SYNE1: variants seen among roughly 807,000 people sequenced by gnomAD.
SYNE1 encodes spectrin repeat containing nuclear envelope protein 1, also known as nesprin-1.
A neutral mutation model predicts 1,111.0 loss-of-function variants in SYNE1; 616 were observed. The ratio of observed to expected loss-of-function variants is 0.55; its 90% confidence interval spans 0.52 to 0.59. SYNE1 has a LOEUF of 0.59. SYNE1 is among the 20% of genes least tolerant of loss of function. SYNE1 has a pLI of 0.00. For synonymous variants in SYNE1, 3,855 were observed against 3,825.8 expected (o/e 1.01, Z -0.28); for missense variants, 10,006 against 10,417.0 (o/e 0.96, Z 1.72).
At chr6:152,482,929 A>C (rs1398945826) in intron 14 of SYNE1, among the ~76,000 whole-genome samples, 156 bp downstream of exon 14, 1 of 152,250 alleles carries the variant, frequency 6.6e-6, no homozygotes, top group African/African-American at 2.4e-5. Flanking sequence ...GTAAGAAAGA[A>C]ACAATCAAAT....
intron 140 of SYNE1, among the ~76,000 whole-genome samples, chr6:152,137,983 C>G (rs1205905034): frequency 3.9e-5 from 6 of 152,150 alleles, no homozygotes; most frequent in African/African-American, 1.4e-4. Context: ...CCCTGGCCAG[C>G]ATTTGCTTCA....
chr6:152,139,577 A>G, intron 140 of SYNE1, among the ~76,000 whole-genome samples: 1 of 149,618 alleles, frequency 6.7e-6, no homozygotes. Flanking sequence ...TCAAAAAAAA[A>G]AAAAAGAAAG....
chr6:152,366,584 T>C (rs1457980632), intron 62 of SYNE1, among the ~76,000 whole-genome samples: 2 of 152,134 alleles, frequency 1.3e-5, no homozygotes, highest in Non-Finnish European at 2.9e-5. Flanking sequence ...TTCAACCCCA[T>C]CCCTTCTGCA....
At chr6:152,241,747 A>C (rs1010934662) in intron 107 of SYNE1, among the ~76,000 whole-genome samples, 1 of 152,186 alleles carries the variant, frequency 6.6e-6, no homozygotes, top group Admixed American at 6.5e-5. Context: ...CCAACCCTGG[A>C]TCTGAGTAGT....
At chr6:152,506,646 A>G (rs1223821785) in intron 8 of SYNE1, among the ~76,000 whole-genome samples, 1 of 151,952 alleles carries the variant, frequency 6.6e-6, no homozygotes, top group Non-Finnish European at 1.5e-5. Flanking sequence ...GGCTCAAGGG[A>G]TTCTTGCACC....
At chr6:152,622,746 T>C (rs1172820470) in intron 3 of SYNE1, among the ~76,000 whole-genome samples, 1 of 152,196 alleles carries the variant, frequency 6.6e-6, no homozygotes, top group Non-Finnish European at 1.5e-5. Context: ...TGTTTCTTTA[T>C]AATAGAATGA....
chr6:152,249,112 A>G (rs759573575), intron 105 of SYNE1, 49 bp downstream of exon 105: 3 of 1,195,354 alleles, frequency 2.5e-6, no homozygotes, highest in South Asian at 2.4e-5. Context: ...ATAGTAAGTC[A>G]TATCTCCTCT....
chr6:152,468,177 T>C (rs1358283541), intron 16 of SYNE1, among the ~76,000 whole-genome samples: 17 of 152,166 alleles, frequency 1.1e-4, no homozygotes, highest in Admixed American at 1.1e-3. Flanking sequence ...TGAGTGTAAA[T>C]ATAATAAATA....
chr6:152,260,693 G>A (rs1273688920), intron 101 of SYNE1, among the ~76,000 whole-genome samples: 1 of 151,896 alleles, frequency 6.6e-6, no homozygotes, highest in African/African-American at 2.4e-5. Flanking sequence ...GGCACCAGGG[G>A]TTGGTTTCTC....
chr6:152,339,428 T>C, intron 74 of SYNE1, 62 bp from the exon 75 acceptor site: 2 of 1,598,596 alleles, frequency 1.3e-6, no homozygotes, highest in Non-Finnish European at 1.7e-6. Context: ...CAAATACTTG[T>C]ATCATTTGGA....
chr6:152,141,494 G>C (rs190709528), intron 138 of SYNE1, among the ~76,000 whole-genome samples, 165 bp from the exon 139 acceptor site: 7 of 152,166 alleles, frequency 4.6e-5, no homozygotes, highest in Admixed American at 4.6e-4. Context: ...TGGTGTCTCA[G>C]GCCTGTGATC....
intron 16 of SYNE1, among the ~76,000 whole-genome samples, chr6:152,469,823 A>G (rs929325572): frequency 6.6e-5 from 10 of 152,186 alleles, no homozygotes; most frequent in Admixed American, 2.0e-4. Context: ...ATGGAACCTC[A>G]GTGCTCCTGC....
intron 11 of SYNE1, among the ~76,000 whole-genome samples, chr6:152,490,770 G>A (rs2098966064): frequency 6.6e-6 from 1 of 152,226 alleles, no homozygotes; most frequent in African/African-American, 2.4e-5. Flanking sequence ...CTGGGACAGG[G>A]GGATTCCTTC....
intron 5 of SYNE1, among the ~76,000 whole-genome samples, chr6:152,520,883 C>T (rs2623981): frequency 0.77 from 117,686 of 152,124 alleles, 46,609 homozygotes; most frequent in East Asian, 0.96. Flanking sequence ...ATTTATTTAG[C>T]TTATTAGTTA....
At chr6:152,575,947 C>T (rs2099494846) in intron 3 of SYNE1, among the ~76,000 whole-genome samples, 1 of 152,212 alleles carries the variant, frequency 6.6e-6, no homozygotes, top group African/African-American at 2.4e-5. Flanking sequence ...ATTCTTGCAG[C>T]ATTATTAGTA....
chr6:152,253,438 G>A (rs2089882522), intron 104 of SYNE1, among the ~76,000 whole-genome samples: 1 of 152,084 alleles, frequency 6.6e-6, no homozygotes, highest in South Asian at 2.1e-4. Context: ...CACAGTCTAT[G>A]AGGCAGTTAA....
chr6:152,458,991 A>C, intron 21 of SYNE1, 61 bp from the exon 22 acceptor site: 1 of 1,444,386 alleles, frequency 6.9e-7, no homozygotes, highest in Non-Finnish European at 9.7e-7. Flanking sequence ...AGCTCAGGGA[A>C]CGTTCATAGC....
chr6:152,145,547 T>A, intron 137 of SYNE1: 5 of 1,614,008 alleles, frequency 3.1e-6, no homozygotes, highest in Non-Finnish European at 4.2e-6. Flanking sequence ...CTTTCGGGGA[T>A]CATTACATCT....
rs887057932 is a variant in SYNE1 at position 152,141,285 on chromosome 6, C to T, written c.25164G>A (p.Lys8388=). Residue 8388 remains lysine, a synonymous_variant, in exon 139 of 146, where the codon AAG becomes AAA. Coordinates refer to ENST00000367255, the MANE Select transcript of SYNE1 (RefSeq NM_182961.4). Reference sequence around the variant, plus strand: ...CCTCCTTCAGTTTGTGCTCCAGTCTCTTCACGGAGTCTATACTGCTACTGC... The same window carrying T: ...CCTCCTTCAGTTTGTGCTCCAGTCTTTTCACGGAGTCTATACTGCTACTGC... ...GECSSSIDSV[K]RLEHKLKEEE... The T allele has an allele frequency of 1.2e-6, 2 of 1,614,208 alleles. No individual in the cohort carries two copies. Among genetic ancestry groups the T allele is most frequent in the South Asian group, 1.1e-5 (1 of 91,078 alleles).
Sources: gnomAD v4.1 joint callset for allele counts (sites outside exome capture counted in the v4.1 genomes callset) on GRCh38, gnomAD v4.1.1 for gene constraint, MANE v1.5 for transcripts, NCBI Gene and HGNC (gene_info 2026-07-23, HGNC 2026-07-21) for gene names.